MYOF: variants seen among roughly 807,000 people sequenced by gnomAD.
The protein encoded by MYOF is myoferlin.
In MYOF, 244 loss-of-function variants were observed where a neutral mutation model predicts 284.2. The observed-to-expected ratio is 0.86, with a 90% CI of 0.77 to 0.95. The LOEUF (loss-of-function observed/expected upper bound fraction) is 0.95. Ranked by LOEUF, MYOF falls within the 40% of genes least tolerant of loss-of-function variation. The pLI is 0.00. For missense variants in MYOF, 2,496 were observed against 2,560.6 expected (o/e 0.97, Z 0.54); for synonymous variants, 904 against 919.7 (o/e 0.98, Z 0.31).
Position 93,353,746 on chromosome 10 carries a change from G to A in MYOF, c.3481+65C>T, listed in dbSNP as rs577182779. The A allele has an allele frequency of 3.8e-4, 513 of 1,361,132 alleles. 4 individuals carry two copies. The South Asian group carries it at 6.5e-3, about 17-fold the overall frequency. 84.3% of individuals were successfully genotyped at this position (1,361,132 alleles called of 1,614,324 possible). ...TAGAAATGACAAAAAGCATTCACTCGAAACACAGAAGCAAAATAGCATGCT... is the reference window on the plus strand; with the variant it reads ...TAGAAATGACAAAAAGCATTCACTCAAAACACAGAAGCAAAATAGCATGCT... On this transcript the variant is annotated intron_variant, in intron 32 of 53. Coordinates refer to ENST00000359263, the MANE Select transcript of MYOF (RefSeq NM_013451.4).
chr10:93,475,524 C>T (rs190006551), intron 1 of MYOF, among the ~76,000 whole-genome samples: 10 of 152,276 alleles, frequency 6.6e-5, no homozygotes, highest in East Asian at 3.9e-4. Context: ...GGATATTAAA[C>T]GTAAAGGGCA....
chr10:93,360,281 G>C (rs1183315663), intron 28 of MYOF, among the ~76,000 whole-genome samples: 2 of 152,240 alleles, frequency 1.3e-5, no homozygotes, highest in Non-Finnish European at 2.9e-5. Flanking sequence ...GGAAGAAACA[G>C]CAGGTAAGCG....
chr10:93,460,761 C>A (rs1386857759), intron 1 of MYOF, among the ~76,000 whole-genome samples: 2 of 92,396 alleles, frequency 2.2e-5, no homozygotes, highest in East Asian at 3.2e-4. Flanking sequence ...AGCAAGACCC[C>A]ATCTCCAAAA....
chr10:93,306,819 C>T lies in MYOF; in HGVS notation c.*144G>A, dbSNP rs1842120516. On this transcript the variant is annotated 3_prime_UTR_variant, in exon 54 of 54. Transcript: ENST00000359263. ...GGCCTGACTTTCCAGGACTAAGACC[C>T]TCTGGGAATCAATGGGGCTCGGTGA... 7.2e-6 allele frequency: 6 copies of T among 830,100 alleles called. No individual in the cohort carries two copies. Among genetic ancestry groups the T allele is most frequent in the Middle Eastern group, 2.2e-4 (1 of 4,470 alleles). 51.4% of individuals were successfully genotyped at this position (830,100 alleles called of 1,614,324 possible).
rs2134032866 is a variant in MYOF at position 93,389,171 on chromosome 10, A to G, written c.1457-17T>C. The G allele has an allele frequency of 6.2e-7, 1 of 1,611,612 alleles. No individual in the cohort carries two copies. The highest frequency in any genetic ancestry group is 2.2e-5 in the East Asian group (1 of 44,840). On this transcript the variant is annotated splice_polypyrimidine_tract_variant and intron_variant, in intron 17 of 53. Coordinates refer to ENST00000359263, the MANE Select transcript of MYOF (RefSeq NM_013451.4). ...CTGTGTTTACTGAGAGAGAAACATC[A>G]TCATGAGGTGTTAGGCTTTTAACAT...
intron 39 of MYOF, 122 bp downstream of exon 39, chr10:93,340,031 G>A (rs2133844340): frequency 1.9e-6 from 2 of 1,050,278 alleles, no homozygotes; most frequent in East Asian, 2.7e-5. Flanking sequence ...AGTGAGCCAA[G>A]ATCGCGCCAC....
rs1451974568 is a variant in MYOF, at chr10:93,381,168, GTGGTGCACCCA to G, written c.1876+40_1876+50del. 3.2e-6 allele frequency: 5 copies of G among 1,586,956 alleles called. No homozygotes were observed. The African/African-American group carries it at 6.7e-5, about 21-fold the overall frequency. ...AGACACAGTGCTTGCTTCCGGTCCC[GTGGTGCACCCA>G]TTGTAAACGTGTGGAGAGAACTGTT... is the stretch of plus-strand genomic sequence containing the variant. On this transcript the variant is annotated intron_variant, in intron 20 of 53. Coordinates refer to ENST00000359263, the MANE Select transcript of MYOF (RefSeq NM_013451.4).
Position 93,440,405 on chromosome 10 carries a change from C to T in MYOF, c.237-8889G>A, listed in dbSNP as rs144764655. ...CCAGCCTGTCGACAGAGCAAGACTC[C>T]GTCTCGAAAAAAAAAACCCCCAAAA... On this transcript the variant is annotated intron_variant, in intron 3 of 53. Coordinates refer to ENST00000359263, the MANE Select transcript of MYOF (RefSeq NM_013451.4). Among the ~76,000 whole-genome samples, 182 of 86,912 alleles carry T rather than the reference C, an allele frequency of 2.1e-3. 1 individual carries two copies. Among genetic ancestry groups the T allele is most frequent in the African/African-American group, 7.0e-3 (170 of 24,326 alleles). The allele number at this position is 86,912 out of a possible 152,430, so 57.0% of individuals were successfully genotyped here.
intron 17 of MYOF, 22 bp from the exon 18 acceptor site, chr10:93,389,176 G>A: frequency 6.2e-7 from 1 of 1,610,568 alleles, no homozygotes; most frequent in African/African-American, 1.3e-5. Context: ...ACATCATCAT[G>A]AGGTGTTAGG....
At chr10:93,430,078 G>T in intron 4 of MYOF, among the ~76,000 whole-genome samples, 1 of 151,758 alleles carries the variant, frequency 6.6e-6, no homozygotes. Flanking sequence ...GGGACTACAG[G>T]CACGTGCCAC....
At chr10:93,413,955 T>G (rs1424117952) in intron 5 of MYOF, among the ~76,000 whole-genome samples, 1 of 151,962 alleles carries the variant, frequency 6.6e-6, no homozygotes, top group Non-Finnish European at 1.5e-5. Flanking sequence ...ATCATGCCCT[T>G]GCACTCTGTC....
At chr10:93,351,946 A>AGTG in intron 32 of MYOF, 100 bp from the exon 33 acceptor site, 1 of 1,168,668 alleles carries the variant, frequency 8.6e-7, no homozygotes, top group Non-Finnish European at 1.2e-6. Flanking sequence ...ATATAATGAC[A>AGTG]GTGGGCTCTG....
chr10:93,343,852 C>T lies in MYOF; in HGVS notation c.4326+4G>A. On this transcript the variant is annotated splice_donor_region_variant and intron_variant, in intron 38 of 53. Coordinates refer to ENST00000359263, the MANE Select transcript of MYOF (RefSeq NM_013451.4). ...AGCATCCACTGATCAGCTCTGAAGCCTACCTTAGAAGCCAGTAATGGTTTG... is the reference window on the plus strand; with the variant it reads ...AGCATCCACTGATCAGCTCTGAAGCTTACCTTAGAAGCCAGTAATGGTTTG... The T allele has an allele frequency of 1.2e-6, 2 of 1,614,138 alleles. No individual in the cohort carries two copies. The highest frequency in any genetic ancestry group is 2.2e-5 in the South Asian group (2 of 91,076).
chr10:93,349,093 A>C (rs1485517450), intron 36 of MYOF, among the ~76,000 whole-genome samples: 2 of 152,188 alleles, frequency 1.3e-5, no homozygotes, highest in Non-Finnish European at 2.9e-5. Flanking sequence ...GTCTTCCAAC[A>C]CTTCAAGGTA....
intron 7 of MYOF, among the ~76,000 whole-genome samples, chr10:93,407,758 A>G (rs62908860): frequency 7.3e-6 from 1 of 136,828 alleles, no homozygotes; most frequent in African/African-American, 2.5e-5. Flanking sequence ...AAAAAAAAAA[A>G]TTTATCAGTA....
intron 3 of MYOF, among the ~76,000 whole-genome samples, chr10:93,433,283 G>C (rs143731948): frequency 2.6e-5 from 4 of 151,970 alleles, no homozygotes; most frequent in African/African-American, 9.7e-5. Context: ...TTAGCCCCTC[G>C]AGTAGCTGGG....
chr10:93,409,608 G>T lies in MYOF; in HGVS notation c.565C>A (p.Arg189=). 6.2e-7 allele frequency: 1 copy of T among 1,614,078 alleles called. No homozygotes were observed. Among genetic ancestry groups the T allele is most frequent in the East Asian group, 2.2e-5 (1 of 44,880 alleles). ...TGTGGCTTATTTGACAGCATCCGCC[G>T]GCTGTTCTTTACTTTGGTGAGCCTC... ...ARRLTKVKNS[R]RMLSNKPQDF... The change falls in exon 6 of 54, where the codon CGG becomes AGG. Residue 189 remains arginine, a synonymous_variant. Transcript: ENST00000359263.
chr10:93,461,117 G>A (rs1564737177), intron 1 of MYOF, among the ~76,000 whole-genome samples: 1 of 144,374 alleles, frequency 6.9e-6, no homozygotes, highest in Non-Finnish European at 1.5e-5. Flanking sequence ...AAAAGAAATA[G>A]CACAAAGCTC....
At chr10:93,323,440 T>C (rs1173466579) in intron 46 of MYOF, 82 bp from the exon 47 acceptor site, 3 of 1,170,900 alleles carry the variant, frequency 2.6e-6, no homozygotes, top group Non-Finnish European at 3.5e-6. Context: ...ATTTCTTAGA[T>C]GAAACTATTT....
Sources: allele counts gnomAD v4.1 joint callset (sites outside exome capture counted in the v4.1 genomes callset), GRCh38; gene constraint gnomAD v4.1.1; transcripts MANE v1.5; gene names NCBI Gene and HGNC (gene_info 2026-07-23, HGNC 2026-07-21).